The following ATP8A1 variants were observed in gnomAD, a reference collection of about 807,000 sequenced individuals.
The protein encoded by ATP8A1 is phospholipid-transporting ATPase IA.
In ATP8A1, 90 loss-of-function variants were observed where a neutral mutation model predicts 177.7. The observed-to-expected ratio is 0.51, with a 90% confidence interval of 0.43 to 0.60. The LOEUF (loss-of-function observed/expected upper bound fraction) is 0.60, where lower values mean the gene tolerates loss of function less well. ATP8A1 is among the 20% of genes least tolerant of loss of function. ATP8A1 has a pLI of 0.00. For missense variants in ATP8A1, 1,072 were observed against 1,392.8 expected, an observed-to-expected ratio of 0.77 and a Z score of 3.67; for synonymous variants, 493 against 485.9, an observed-to-expected ratio of 1.01 and a Z score of -0.19.
At position 42,410,075 on chromosome 4, in the gene ATP8A1, G is replaced by A. The variant is rs945240500; in HGVS notation, c.*2841C>T. The A allele has an allele frequency of 3.9e-5, 6 of 152,124 alleles. No homozygotes were observed. The highest frequency in any genetic ancestry group is 1.9e-4 in the East Asian group (1 of 5,202). 9.4% of individuals were successfully genotyped at this position (152,124 alleles called of 1,614,324 possible). On this transcript the variant is annotated 3_prime_UTR_variant, in exon 37 of 37. Transcript: ENST00000381668. ...GAGCACAGAGTGGAGGTGGGAGGAC[G>A]GGAAGTACATATATCATTTAAAATT... is the stretch of plus-strand genomic sequence containing the variant.
At chr4:42,449,291 A>G (rs1264439720) in intron 30 of ATP8A1, among the ~76,000 whole-genome samples, 1 of 152,250 alleles carries the variant, frequency 6.6e-6, no homozygotes, top group Non-Finnish European at 1.5e-5. Context: ...AATACAAAAT[A>G]TTATTAAGAT....
chr4:42,455,803 T>C (rs1718420613), intron 27 of ATP8A1, among the ~76,000 whole-genome samples: 1 of 152,162 alleles, frequency 6.6e-6, no homozygotes, highest in African/African-American at 2.4e-5. Context: ...TCAGAATTGG[T>C]CCTGCTTGCT....
intron 19 of ATP8A1, among the ~76,000 whole-genome samples, chr4:42,545,108 C>T (rs1318701358): frequency 6.8e-6 from 1 of 147,916 alleles, no homozygotes; most frequent in African/African-American, 2.5e-5. Flanking sequence ...TGCAGTGAAC[C>T]GAGATTGCAC....
chr4:42,617,032 C>T (rs1288965191), intron 4 of ATP8A1, among the ~76,000 whole-genome samples: 1 of 152,126 alleles, frequency 6.6e-6, no homozygotes, highest in African/African-American at 2.4e-5. Flanking sequence ...TATAGTTGTG[C>T]GTACCTGACT....
chr4:42,454,564 C>T (rs1461612880), intron 29 of ATP8A1, among the ~76,000 whole-genome samples: 1 of 152,036 alleles, frequency 6.6e-6, no homozygotes, highest in Non-Finnish European at 1.5e-5. Context: ...TTTTTTCCTC[C>T]TCACTCACAT....
At chr4:42,638,726 C>T (rs1420150351) in intron 1 of ATP8A1, among the ~76,000 whole-genome samples, 1 of 152,096 alleles carries the variant, frequency 6.6e-6, no homozygotes, top group Non-Finnish European at 1.5e-5. Flanking sequence ...GTATATTTGC[C>T]AACATAGATG....
At chr4:42,443,432 A>G in intron 33 of ATP8A1, 133 bp downstream of exon 33, 1 of 534,336 alleles carries the variant, frequency 1.9e-6, no homozygotes, top group East Asian at 3.0e-5. Context: ...GAATTTAAAA[A>G]CAGCTTTTAA....
chr4:42,416,059 A>C (rs2153165948), intron 35 of ATP8A1, among the ~76,000 whole-genome samples: 1 of 152,340 alleles, frequency 6.6e-6, no homozygotes, highest in East Asian at 1.9e-4. Flanking sequence ...AATAGTTGTA[A>C]AACTTGTTTC....
At chr4:42,499,632 T>G (rs1723618669) in intron 24 of ATP8A1, among the ~76,000 whole-genome samples, 1 of 152,232 alleles carries the variant, frequency 6.6e-6, no homozygotes, top group Non-Finnish European at 1.5e-5. Flanking sequence ...CTTCAAAATT[T>G]TTCTCCCACA....
At chr4:42,641,010 G>GAAAAAAA (rs10609874) in intron 1 of ATP8A1, among the ~76,000 whole-genome samples, 7 of 123,432 alleles carry the variant, frequency 5.7e-5, no homozygotes, top group Admixed American at 1.8e-4. Flanking sequence ...CCCCTCACCA[G>GAAAAAAA]AAAAAAAAAA....
At chr4:42,534,373 A>T (rs1727568373) in intron 20 of ATP8A1, among the ~76,000 whole-genome samples, 1 of 152,220 alleles carries the variant, frequency 6.6e-6, no homozygotes, top group Admixed American at 6.5e-5. Context: ...GAGAAATGGA[A>T]AGTCTCAACA....
At chr4:42,547,858 C>T (rs1281188971) in intron 19 of ATP8A1, among the ~76,000 whole-genome samples, 7 of 152,212 alleles carry the variant, frequency 4.6e-5, no homozygotes, top group Admixed American at 4.6e-4. Flanking sequence ...AAGCAATGTA[C>T]AAGTTTGTCT....
chr4:42,529,679 C>A (rs1202339233), intron 20 of ATP8A1, among the ~76,000 whole-genome samples: 7 of 152,164 alleles, frequency 4.6e-5, no homozygotes, highest in African/African-American at 1.7e-4. Flanking sequence ...AAGACTAGGG[C>A]CTGGTTCACA....
intron 33 of ATP8A1, among the ~76,000 whole-genome samples, chr4:42,438,427 G>GT (rs1028706627): frequency 5.9e-5 from 9 of 152,026 alleles, no homozygotes; most frequent in African/African-American, 1.7e-4. Flanking sequence ...CTATTTAATA[G>GT]TTTTTTTAAA....
chr4:42,461,244 C>CTTTTTTTTTTTTTTTTTT (rs777847439), intron 27 of ATP8A1, among the ~76,000 whole-genome samples: 8 of 84,542 alleles, frequency 9.5e-5, no homozygotes, highest in South Asian at 4.7e-4. Context: ...TCAATTTTTT[C>CTTTTTTTTTTTTTTTTTT]TTTCTTTTTT....
intron 14 of ATP8A1, 124 bp from the exon 15 acceptor site, chr4:42,569,329 T>C (rs1284007805): frequency 3.5e-6 from 2 of 569,202 alleles, no homozygotes; most frequent in East Asian, 7.1e-5. Context: ...AAAATGAACT[T>C]TTAGTTGAAT....
At chr4:42,614,477 CT>C (rs1304715837) in intron 5 of ATP8A1, among the ~76,000 whole-genome samples, 1 of 152,202 alleles carries the variant, frequency 6.6e-6, no homozygotes, top group Non-Finnish European at 1.5e-5. Context: ...GATTTTTTCC[CT>C]TTCAATTCCT....
In ATP8A1 at chr4:42,464,989, A is replaced by G. The variant is rs1380089122; in HGVS notation, c.2412T>C (p.Asn804=). The G allele has an allele frequency of 4.3e-6, 7 of 1,614,122 alleles. No individual in the cohort carries two copies. Among genetic ancestry groups the G allele is most frequent in the Non-Finnish European group, 5.9e-6 (7 of 1,180,010 alleles). The change falls in exon 26 of 37, where the codon AAT becomes AAC. Residue 804 remains asparagine, a synonymous_variant. Coordinates refer to ENST00000381668, the MANE Select transcript of ATP8A1 (RefSeq NM_006095.2). ...VVTLAIGDGA[N]DVSMIQTAHV... Reference sequence around the variant, plus strand: ...GCGCTGTCTGTATCATGCTGACATCATTTGCTCCATCACCGATTGCAAGCG... The same window carrying G: ...GCGCTGTCTGTATCATGCTGACATCGTTTGCTCCATCACCGATTGCAAGCG...
chr4:42,507,779 C>CA (rs1724554447), intron 22 of ATP8A1, among the ~76,000 whole-genome samples: 6 of 4,780 alleles, frequency 1.3e-3, no homozygotes, highest in South Asian at 0.01. Flanking sequence ...GACAGGCATT[C>CA]TAAAAAAAAA....
Sources: allele counts gnomAD v4.1 joint callset (sites outside exome capture counted in the v4.1 genomes callset), GRCh38; gene constraint gnomAD v4.1.1; transcripts MANE v1.5; gene names NCBI Gene and HGNC (gene_info 2026-07-23, HGNC 2026-07-21).